Variants in ZMYM2 observed in about 807,000 individuals in gnomAD.
ZMYM2 encodes zinc finger MYM-type containing 2.
A neutral mutation model predicts 162.8 loss-of-function variants in ZMYM2; 56 were observed. The ratio of observed to expected loss-of-function variants is 0.34; its 90% CI spans 0.28 to 0.43. The LOEUF (loss-of-function observed/expected upper bound fraction) is 0.43, where lower values mean the gene tolerates loss of function less well. Ranked by LOEUF, ZMYM2 falls within the 20% of genes least tolerant of loss-of-function variation. The pLI is 1.00. For synonymous variants in ZMYM2, 510 were observed against 541.6 expected, an observed-to-expected ratio of 0.94 and a Z score of 0.81; for missense variants, 1,275 against 1,621.8, an observed-to-expected ratio of 0.79 and a Z score of 3.67.
chr13:20,055,258 AT>A (rs1192466084), intron 14 of ZMYM2, among the ~76,000 whole-genome samples: 1 of 152,094 alleles, frequency 6.6e-6, no homozygotes, highest in East Asian at 1.9e-4. Context: ...ACCCACCAAA[AT>A]TTATTTGTAA....
chr13:20,024,462 G>T (rs1952397586), intron 7 of ZMYM2: 1 of 216,312 alleles, frequency 4.6e-6, no homozygotes, highest in East Asian at 6.8e-5. Context: ...ATGAGTAAAA[G>T]AATTCTTTGT....
At chr13:19,903,665 T>C in the ZMYM2 span, among the ~76,000 whole-genome samples, 2 of 150,578 alleles carry the variant, frequency 1.3e-5, no homozygotes, top group Non-Finnish European at 3.0e-5. Flanking sequence ...AGCTCAGGAG[T>C]TCAAGACTAG....
At chr13:19,924,553 A>G in the ZMYM2 span, among the ~76,000 whole-genome samples, 2 of 152,134 alleles carry the variant, frequency 1.3e-5, no homozygotes, top group Middle Eastern at 6.3e-3. Flanking sequence ...CTCCTCTCCA[A>G]AAAAAGGGTT....
intron 7 of ZMYM2, among the ~76,000 whole-genome samples, chr13:20,023,931 TTTC>T (rs751667380): frequency 3.2e-4 from 48 of 151,116 alleles, no homozygotes; most frequent in Admixed American, 6.6e-4. Flanking sequence ...TCATTTTCTT[TTTC>T]TTCTTCTTTT....
At chr13:20,015,499 TCTTTA>T (rs1951548337) in intron 6 of ZMYM2, among the ~76,000 whole-genome samples, 1 of 152,208 alleles carries the variant, frequency 6.6e-6, no homozygotes, top group Non-Finnish European at 1.5e-5. Context: ...TCAAGATTTG[TCTTTA>T]CTTAGTTGAA....
chr13:19,905,814 C>T, the ZMYM2 span, among the ~76,000 whole-genome samples: 9 of 152,198 alleles, frequency 5.9e-5, no homozygotes, highest in East Asian at 1.7e-3. Context: ...TTGCAATTGC[C>T]TCTTGATCCA....
At chr13:19,865,820 T>G in the ZMYM2 span, among the ~76,000 whole-genome samples, 1 of 152,154 alleles carries the variant, frequency 6.6e-6, no homozygotes, top group Non-Finnish European at 1.5e-5. Context: ...GAAAAAAAAG[T>G]CTTCATTGTT....
intron 3 of ZMYM2, 34 bp downstream of exon 3, chr13:19,993,953 T>A: frequency 1.3e-6 from 2 of 1,567,918 alleles, no homozygotes; most frequent in Non-Finnish European, 1.7e-6. Flanking sequence ...TTCATGTAAA[T>A]GAATTTAAAC....
At chr13:20,011,423 T>C (rs910930515) in intron 6 of ZMYM2, among the ~76,000 whole-genome samples, 1 of 152,226 alleles carries the variant, frequency 6.6e-6, no homozygotes. Context: ...TGTTGGTAAT[T>C]GAAAAGTTTT....
chr13:19,945,817 C>T, the ZMYM2 span, among the ~76,000 whole-genome samples: 1 of 151,912 alleles, frequency 6.6e-6, no homozygotes, highest in African/African-American at 2.4e-5. Context: ...TGCATGGTTA[C>T]GCATACCTGT....
the ZMYM2 span, among the ~76,000 whole-genome samples, chr13:19,935,137 T>G: frequency 6.6e-6 from 1 of 152,060 alleles, no homozygotes; most frequent in Non-Finnish European, 1.5e-5. Flanking sequence ...ATTATTTTAT[T>G]TATTTATTTA....
At chr13:19,923,003 CAAGAGCGAGACTCCATCTCAAA>C in the ZMYM2 span, among the ~76,000 whole-genome samples, 1 of 121,182 alleles carries the variant, frequency 8.3e-6, no homozygotes, top group South Asian at 2.6e-4. Context: ...GCCTAGGCAA[CAAGAGCGAGACTCCATCTCAAA>C]AAAAAAAAAA....
intron 2 of ZMYM2, among the ~76,000 whole-genome samples, chr13:19,969,721 TATTGA>T (rs1274071801): frequency 6.6e-6 from 1 of 152,198 alleles, no homozygotes; most frequent in Non-Finnish European, 1.5e-5. Context: ...AATAAAAAGC[TATTGA>T]ATTGTAAGTG....
chr13:19,995,914 C>T (rs186498996), intron 3 of ZMYM2, among the ~76,000 whole-genome samples: 87 of 152,150 alleles, frequency 5.7e-4, no homozygotes, highest in Non-Finnish European at 1.1e-3. Context: ...TTCCTTGAGC[C>T]CCATAGGCAG....
chr13:19,973,228 C>T (rs773954603), intron 2 of ZMYM2, among the ~76,000 whole-genome samples: 22 of 151,890 alleles, frequency 1.4e-4, no homozygotes, highest in Non-Finnish European at 2.5e-4. Flanking sequence ...TTAGCCACTG[C>T]GCCCAGCTAC....
At chr13:20,055,779 T>G (rs528210258) in intron 14 of ZMYM2, among the ~76,000 whole-genome samples, 1 of 151,726 alleles carries the variant, frequency 6.6e-6, no homozygotes, top group South Asian at 2.1e-4. Flanking sequence ...AACTTACGGA[T>G]TCATGAGATT....
At chr13:19,964,692 T>G (rs1302505774) in intron 2 of ZMYM2, among the ~76,000 whole-genome samples, 1 of 152,230 alleles carries the variant, frequency 6.6e-6, no homozygotes, top group Non-Finnish European at 1.5e-5. Context: ...GATTAGGTTT[T>G]TCTCTCTTTT....
At chr13:20,046,623 A>ATATATGTGTACATATG (rs1954841407) in intron 12 of ZMYM2, among the ~76,000 whole-genome samples, 1 of 143,212 alleles carries the variant, frequency 7.0e-6, no homozygotes, top group African/African-American at 2.6e-5. Flanking sequence ...ATATGTGTAT[A>ATATATGTGTACATATG]TATATGTGTA....
At position 19,980,313 on chromosome 13, in the gene ZMYM2, T is replaced by C. The variant is rs944142261; in HGVS notation, c.-10-12750T>C. 3.3e-5 allele frequency among the ~76,000 whole-genome samples: 5 copies of C among 152,208 alleles called. No individual in the cohort carries two copies. The East Asian group carries it at 9.6e-4, about 29-fold the overall frequency. On this transcript the variant is annotated intron_variant, in intron 2 of 24. Coordinates refer to ENST00000610343, the MANE Select transcript of ZMYM2 (RefSeq NM_197968.4). ...TATATACCCTATTGAAATTTCATTG[T>C]ATACTAAATTCCTTGATATATTGGG...
Sources: gnomAD v4.1 joint callset for allele counts (sites outside exome capture counted in the v4.1 genomes callset) on GRCh38, gnomAD v4.1.1 for gene constraint, MANE v1.5 for transcripts, NCBI Gene and HGNC (gene_info 2026-07-23, HGNC 2026-07-21) for gene names.